KANSL1: variants seen among roughly 807,000 people sequenced by gnomAD.
KANSL1 encodes the protein KAT8 regulatory NSL complex subunit 1.
In KANSL1, 22 loss-of-function variants were observed where a neutral mutation model predicts 103.6. The observed-to-expected ratio is 0.21, with a 90% confidence interval of 0.15 to 0.30. The LOEUF (loss-of-function observed/expected upper bound fraction) is 0.30, where lower values mean the gene tolerates loss of function less well. Among genes scored for constraint, KANSL1 ranks in the 10% least tolerant of loss-of-function variants. The pLI, the probability that KANSL1 is intolerant of heterozygous loss-of-function variation, is 1.00. For missense variants in KANSL1, 1,337 were observed against 1,399.8 expected (o/e 0.96, Z 0.72); for synonymous variants, 600 against 527.6 (o/e 1.14, Z -1.88).
intron 1 of KANSL1, among the ~76,000 whole-genome samples, chr17:46,219,641 C>T (rs1455182725): frequency 6.6e-6 from 1 of 152,278 alleles, no homozygotes; most frequent in African/African-American, 2.4e-5. Flanking sequence ...GCTAGGATTA[C>T]AGGCGTGAGC....
At chr17:46,221,101 G>A (rs2048521674) in intron 1 of KANSL1, 1 of 143,720 alleles carries the variant, frequency 7.0e-6, no homozygotes, top group Non-Finnish European at 1.5e-5. Flanking sequence ...ATACTGTTCT[G>A]CATCTTGCTT....
chr17:46,171,571 A>AC lies in KANSL1; in HGVS notation c.572dup (p.Glu192Ter). ...CCCCAGATTCAGATCCTCCCATTTC[A>AC]CCCCCATGAAGAGCAGATGAAGTGA... On this transcript the variant is annotated frameshift_variant, in exon 2 of 15. Transcript: ENST00000432791. LOFTEE classifies it high-confidence loss of function. The AC allele has an allele frequency of 6.2e-7, 1 of 1,605,648 alleles. No individual in the cohort carries two copies. The highest frequency in any genetic ancestry group is 1.1e-5 in the South Asian group (1 of 90,034).
intron 2 of KANSL1, chr17:46,148,283 A>G (rs1027576809): frequency 6.6e-6 from 1 of 152,274 alleles, no homozygotes; most frequent in Non-Finnish European, 1.5e-5. Flanking sequence ...CATGATTTGA[A>G]GAGAACTGGG....
chr17:46,073,492 C>T (rs907831752), intron 4 of KANSL1, among the ~76,000 whole-genome samples: 2 of 151,864 alleles, frequency 1.3e-5, no homozygotes, highest in Admixed American at 1.3e-4. Context: ...GTCTGCTCAT[C>T]GGTGCAAAAA....
intron 13 of KANSL1, among the ~76,000 whole-genome samples, chr17:46,032,786 G>C (rs936036911): frequency 9.2e-5 from 14 of 152,262 alleles, no homozygotes; most frequent in African/African-American, 3.4e-4. Context: ...TCCCCGGGTT[G>C]AATCACCATG....
intron 2 of KANSL1, among the ~76,000 whole-genome samples, chr17:46,132,889 G>GCCATCATCATAGCAGTGAA (rs2043936807): frequency 1.3e-5 from 2 of 152,178 alleles, no homozygotes; most frequent in African/African-American, 2.4e-5. Context: ...GCTGCAGTGA[G>GCCATCATCATAGCAGTGAA]CCATCATCAT....
At chr17:46,198,122 G>GA (rs1427851026), upstream of KANSL1, among the ~76,000 whole-genome samples, 1 of 152,088 alleles carries the variant, frequency 6.6e-6, no homozygotes, top group East Asian at 1.9e-4. Context: ...AGAACTGACT[G>GA]AATAAATGAA....
intron 6 of KANSL1, among the ~76,000 whole-genome samples, chr17:46,060,978 A>G (rs977320227): frequency 3.3e-5 from 5 of 152,176 alleles, no homozygotes; most frequent in Middle Eastern, 3.4e-3. Context: ...TACACTGCCA[A>G]TTTGTTAGGA....
chr17:46,171,877 A>G lies in KANSL1; in HGVS notation c.267T>C (p.Ser89=), dbSNP rs756494221. Residue 89 remains serine, a synonymous_variant, in exon 2 of 15, where the codon TCT becomes TCC. Coordinates refer to ENST00000432791, the MANE Select transcript of KANSL1 (RefSeq NM_015443.4). ...VASYLCSDVT[S]VPSKESLKLQ... is the part of the protein sequence containing the mutation. ...ACTTCAAAGACTCCTTTGAGGGAAC[A>G]GATGTTACATCAGAGCAGAGATAAG... 3.3e-5 allele frequency: 53 copies of G among 1,614,160 alleles called. No homozygotes were observed. Among genetic ancestry groups the G allele is most frequent in the Non-Finnish European group, 4.3e-5 (51 of 1,180,042 alleles).
rs5820607 is a variant in KANSL1, at chr17:46,030,590, GA to G, written c.*885del. ...GAAACATGGCAAAGTGAATCAGAGGGAAAAAAAAAAAAAATCACACAGGGAG... is the reference window on the plus strand; with the variant it reads ...GAAACATGGCAAAGTGAATCAGAGGGAAAAAAAAAAAAATCACACAGGGAG... On this transcript the variant is annotated 3_prime_UTR_variant, in exon 15 of 15. Transcript: ENST00000432791. The G allele has an allele frequency of 0.078, 11,134 of 142,222 alleles. 1,173 individuals are homozygous for G. Among genetic ancestry groups the G allele is most frequent in the African/African-American group, 0.25 (9,629 of 39,110 alleles). 8.8% of individuals were successfully genotyped at this position (142,222 alleles called of 1,614,324 possible). A position where few individuals can be genotyped will look rare whatever the true frequency, so the allele number is the denominator to read the frequency against.
In KANSL1 at chr17:46,039,777, G is replaced by T. The variant is rs550137256; in HGVS notation, c.2128C>A (p.Pro710Thr). The change falls in exon 8 of 15, where the codon CCC becomes ACC. Residue 710 changes from proline (P) to threonine (T), a missense_variant. By Grantham distance (38) the Pro-to-Thr change is conservative. Transcript: ENST00000432791. ...PKKLSLKHRA[P>T]MPGSLPDSAR... is the part of the protein sequence containing the mutation. ...GAATCTGGCAGACTGCCCGGCATGG[G>T]TGCTCTGTGCTTAAGCGATAACTTT... 2.4e-5 allele frequency: 39 copies of T among 1,614,198 alleles called. No homozygotes were observed. In the South Asian group the frequency reaches 4.3e-4, roughly 18 times the overall value.
At chr17:46,208,477 G>C (rs976145678) in intron 1 of KANSL1, among the ~76,000 whole-genome samples, 2 of 152,012 alleles carry the variant, frequency 1.3e-5, no homozygotes, top group African/African-American at 4.8e-5. Flanking sequence ...GCCAGGTGTG[G>C]CAGTGCACAC....
At chr17:46,036,244 T>C (rs1193379300) in intron 10 of KANSL1, among the ~76,000 whole-genome samples, 5 of 152,204 alleles carry the variant, frequency 3.3e-5, no homozygotes, top group African/African-American at 1.2e-4. Flanking sequence ...TGGTTGGTTT[T>C]GTTTTTTAAA....
chr17:46,111,274 G>T (rs967010662), intron 2 of KANSL1, among the ~76,000 whole-genome samples: 1 of 151,902 alleles, frequency 6.6e-6, no homozygotes, highest in Admixed American at 6.6e-5. Flanking sequence ...GCGATGGCGT[G>T]ATCTCGGCTT....
intron 1 of KANSL1, among the ~76,000 whole-genome samples, chr17:46,213,485 T>C (rs138902104): frequency 2.0e-5 from 3 of 149,816 alleles, no homozygotes; most frequent in Non-Finnish European, 3.0e-5. Context: ...TTTTTTTTTT[T>C]TTTTAGTAGA....
chr17:46,148,745 C>T (rs189490467), intron 2 of KANSL1, among the ~76,000 whole-genome samples: 2 of 152,102 alleles, frequency 1.3e-5, no homozygotes, highest in African/African-American at 4.8e-5. Flanking sequence ...CCATGCCTTG[C>T]TAATTTTTTT....
At chr17:46,192,629 G>C (rs2047396349) in intron 1 of KANSL1, 194 bp downstream of exon 1, 2 of 153,126 alleles carry the variant, frequency 1.3e-5, no homozygotes, top group South Asian at 4.1e-4. Context: ...CCCCGCCCTT[G>C]GGGCGACTCC....
chr17:46,130,942 A>G (rs1389901879), intron 2 of KANSL1, among the ~76,000 whole-genome samples: 2 of 152,232 alleles, frequency 1.3e-5, no homozygotes, highest in Admixed American at 6.5e-5. Context: ...ATAAAGCACA[A>G]GAGGAAAGCA....
intron 2 of KANSL1, among the ~76,000 whole-genome samples, chr17:46,109,007 G>A (rs773574201): frequency 6.6e-6 from 1 of 152,212 alleles, no homozygotes; most frequent in Non-Finnish European, 1.5e-5. Context: ...GAAGGGCAGT[G>A]ATGCAATCAT....
Sources: allele counts gnomAD v4.1 joint callset (sites outside exome capture counted in the v4.1 genomes callset), GRCh38; gene constraint gnomAD v4.1.1; transcripts MANE v1.5; gene names NCBI Gene and HGNC (gene_info 2026-07-23, HGNC 2026-07-21).